PPP1R16B: variants seen among roughly 807,000 people sequenced by gnomAD.
PPP1R16B encodes the protein protein phosphatase 1 regulatory inhibitor subunit 16B.
In PPP1R16B, 14 loss-of-function variants were observed where a neutral mutation model predicts 61.7. That is an observed-to-expected ratio of 0.23 (90% CI 0.15 to 0.35). The LOEUF (loss-of-function observed/expected upper bound fraction) is 0.35. PPP1R16B is among the 10% of genes least tolerant of loss of function. The probability of loss-of-function intolerance (pLI) is 1.00; values close to 1 mark genes in which losing one functional copy is unlikely to be tolerated. For synonymous variants in PPP1R16B, 266 were observed against 305.3 expected, an observed-to-expected ratio of 0.87 and a Z score of 1.34; for missense variants, 547 against 752.5, an observed-to-expected ratio of 0.73 and a Z score of 3.19.
At chr20:38,859,407 C>G (rs1443767167) in intron 2 of PPP1R16B, among the ~76,000 whole-genome samples, 1 of 152,122 alleles carries the variant, frequency 6.6e-6, no homozygotes, top group Non-Finnish European at 1.5e-5. Context: ...ACACAATGAC[C>G]CCATGCCTAG....
intron 2 of PPP1R16B, among the ~76,000 whole-genome samples, chr20:38,881,978 C>G (rs979342315): frequency 3.3e-5 from 5 of 152,170 alleles, no homozygotes; most frequent in Non-Finnish European, 7.3e-5. Flanking sequence ...TGTCTTTGGG[C>G]AAATCATTTC....
chr20:38,841,326 G>T (rs1178573575), intron 2 of PPP1R16B, among the ~76,000 whole-genome samples: 1 of 120,172 alleles, frequency 8.3e-6, no homozygotes, highest in African/African-American at 3.2e-5. Flanking sequence ...AGGAGTTCTA[G>T]ACCAGCCTGG....
In PPP1R16B at chr20:38,908,341, T is replaced by C. The variant is rs528439254; in HGVS notation, c.1194+148T>C. On this transcript the variant is annotated intron_variant, in intron 10 of 10. Transcript: ENST00000299824. ...ACTAGCATATCCAGTCTGATGATGA[T>C]GGCTACTGTAGTTAAACCAGCAGAT... 8 of 1,037,754 alleles carry C rather than the reference T, an allele frequency of 7.7e-6. No individual in the cohort carries two copies. In the East Asian group the frequency reaches 1.8e-4, roughly 24 times the overall value. The allele number at this position is 1,037,754 out of a possible 1,614,324, so 64.3% of individuals were successfully genotyped here.
intron 10 of PPP1R16B, among the ~76,000 whole-genome samples, chr20:38,909,009 T>A (rs1261715028): frequency 2.0e-5 from 3 of 152,178 alleles, no homozygotes; most frequent in Admixed American, 2.0e-4. Flanking sequence ...TTTATTTTAT[T>A]GGTTTTTTTT....
chr20:38,901,435 A>G (rs1347782613), intron 5 of PPP1R16B, among the ~76,000 whole-genome samples: 1 of 152,178 alleles, frequency 6.6e-6, no homozygotes, highest in Non-Finnish European at 1.5e-5. Context: ...TTTGAGATGG[A>G]GTCTTGCTGT....
chr20:38,860,348 C>T (rs1358795514), intron 2 of PPP1R16B, among the ~76,000 whole-genome samples: 1 of 152,342 alleles, frequency 6.6e-6, no homozygotes, highest in South Asian at 2.1e-4. Flanking sequence ...GTGATCCTCC[C>T]GCCTCAGCCT....
At chr20:38,869,720 A>AT (rs1336983431) in intron 2 of PPP1R16B, among the ~76,000 whole-genome samples, 1 of 151,990 alleles carries the variant, frequency 6.6e-6, no homozygotes, top group Non-Finnish European at 1.5e-5. Context: ...ATATGCGAAG[A>AT]TTTTTTAGAT....
chr20:38,809,847 G>T (rs924774840), intron 1 of PPP1R16B, among the ~76,000 whole-genome samples: 26 of 152,014 alleles, frequency 1.7e-4, no homozygotes, highest in Admixed American at 1.2e-3. Flanking sequence ...CAGGCATGGT[G>T]GTGTGCACCT....
rs6101336 is a variant in PPP1R16B at position 38,886,592 on chromosome 20, G to A, written c.251-3003G>A. 1.7e-3 allele frequency among the ~76,000 whole-genome samples: 263 copies of A among 152,366 alleles called. 1 individual carries two copies. Among genetic ancestry groups the A allele is most frequent in the African/African-American group, 6.3e-3 (261 of 41,594 alleles). On this transcript the variant is annotated intron_variant, in intron 2 of 10. Coordinates refer to ENST00000299824, the MANE Select transcript of PPP1R16B (RefSeq NM_015568.4). ...GGGCACCCCCACTCACCCGTGGGCAGGTTGGGCCTTGGTGATCAGTGGCTT... is the reference window on the plus strand; with the variant it reads ...GGGCACCCCCACTCACCCGTGGGCAAGTTGGGCCTTGGTGATCAGTGGCTT...
intron 10 of PPP1R16B, among the ~76,000 whole-genome samples, chr20:38,913,463 A>G (rs2085508166): frequency 6.6e-6 from 1 of 152,002 alleles, no homozygotes; most frequent in South Asian, 2.1e-4. Context: ...GGGTTTCACC[A>G]TGCTGGCCAG....
chr20:38,910,529 G>GTTTTTTTTTTTTT (rs201312664), intron 10 of PPP1R16B, among the ~76,000 whole-genome samples: 2 of 145,414 alleles, frequency 1.4e-5, no homozygotes, highest in Non-Finnish European at 3.0e-5. Flanking sequence ...TATAGCAGTA[G>GTTTTTTTTTTTTT]TTTTTTTTTG....
At chr20:38,807,523 C>G (rs945163118) in intron 1 of PPP1R16B, among the ~76,000 whole-genome samples, 3 of 152,136 alleles carry the variant, frequency 2.0e-5, no homozygotes, top group Non-Finnish European at 1.5e-5. Context: ...CTTCCTCCCC[C>G]AGCTCTGTCA....
Position 38,907,105 on chromosome 20 carries a change from T to G in PPP1R16B, c.898+51T>G, listed in dbSNP as rs1054313897. ...GCACAAATAGGCAGTTATCAATGTT[T>G]TGATGGGTAGAGGGAGAAATAGATA... On this transcript the variant is annotated intron_variant, in intron 8 of 10. Coordinates refer to ENST00000299824, the MANE Select transcript of PPP1R16B (RefSeq NM_015568.4). The surrounding 1 kb of genome is among the most constrained non-coding windows in gnomAD (Gnocchi z 4.5). The G allele has an allele frequency of 2.3e-5, 32 of 1,416,490 alleles. No homozygotes were observed. The highest frequency in any genetic ancestry group is 3.0e-5 in the Non-Finnish European group (30 of 1,000,422). The allele number at this position is 1,416,490 out of a possible 1,614,324, so 87.7% of individuals were successfully genotyped here. A position where few individuals can be genotyped will look rare whatever the true frequency, so the allele number is the denominator to read the frequency against.
intron 2 of PPP1R16B, among the ~76,000 whole-genome samples, chr20:38,869,672 T>C (rs980718260): frequency 6.6e-6 from 1 of 152,186 alleles, no homozygotes; most frequent in Non-Finnish European, 1.5e-5. Context: ...TGGAATCACA[T>C]AGTATGGACC....
intron 2 of PPP1R16B, among the ~76,000 whole-genome samples, chr20:38,856,500 G>C (rs894324707): frequency 6.6e-6 from 1 of 152,164 alleles, no homozygotes. Context: ...GGTGTGGTGA[G>C]TTTATTTCCT....
chr20:38,810,469 C>A (rs774515500), intron 1 of PPP1R16B, among the ~76,000 whole-genome samples: 43 of 152,242 alleles, frequency 2.8e-4, no homozygotes, highest in Non-Finnish European at 5.6e-4. Context: ...CTCTGCTCAA[C>A]TATCCATACA....
intron 10 of PPP1R16B, among the ~76,000 whole-genome samples, chr20:38,917,399 T>C (rs2085551121): frequency 6.6e-6 from 1 of 152,206 alleles, no homozygotes; most frequent in Non-Finnish European, 1.5e-5. Flanking sequence ...TCTTCATGTG[T>C]CTTTTGACCT....
Position 38,914,013 on chromosome 20 carries a change from G to A in PPP1R16B, c.1195-4144G>A, listed in dbSNP as rs531776487. Among the ~76,000 whole-genome samples the A allele has an allele frequency of 1.9e-4, 29 of 152,206 alleles. 1 individual carries two copies. The South Asian group carries it at 5.6e-3, about 29-fold the overall frequency. ...TTGAGACCAGCCTGGCCAACATGGCGAAACCCTGTCTCTACTAAAAATAGC... is the reference window on the plus strand; with the variant it reads ...TTGAGACCAGCCTGGCCAACATGGCAAAACCCTGTCTCTACTAAAAATAGC... On this transcript the variant is annotated intron_variant, in intron 10 of 10. Coordinates refer to ENST00000299824, the MANE Select transcript of PPP1R16B (RefSeq NM_015568.4).
intron 2 of PPP1R16B, among the ~76,000 whole-genome samples, chr20:38,886,961 G>C (rs2085249365): frequency 2.0e-5 from 3 of 152,332 alleles, no homozygotes; most frequent in Admixed American, 6.5e-5. Flanking sequence ...TTGTGACAAG[G>C]CTGTAAATGA....
Sources: allele counts gnomAD v4.1 joint callset (sites outside exome capture counted in the v4.1 genomes callset), GRCh38; gene constraint gnomAD v4.1.1; non-coding constraint Gnocchi (gnomAD v3.1); transcripts MANE v1.5; gene names NCBI Gene and HGNC (gene_info 2026-07-23, HGNC 2026-07-21).